Variants in NELL2 observed in about 807,000 individuals in gnomAD.
The protein encoded by NELL2 is protein kinase C-binding protein NELL2.
Under a neutral mutation model 109.6 loss-of-function variants are expected in NELL2, and 41 were observed. The ratio of observed to expected loss-of-function variants is 0.37; its 90% CI spans 0.29 to 0.49. The LOEUF (loss-of-function observed/expected upper bound fraction) is 0.49. Among genes scored for constraint, NELL2 ranks in the 20% least tolerant of loss-of-function variants. The pLI, the probability that NELL2 is intolerant of heterozygous loss-of-function variation, is 0.98. For synonymous variants in NELL2, 355 were observed against 344.7 expected (o/e 1.03, Z -0.33); for missense variants, 900 against 1,008.3 (o/e 0.89, Z 1.45).
At chr12:44,592,591 C>T (rs896425879) in intron 15 of NELL2, among the ~76,000 whole-genome samples, 1 of 151,936 alleles carries the variant, frequency 6.6e-6, no homozygotes, top group Non-Finnish European at 1.5e-5. Flanking sequence ...AGAAACAGTC[C>T]AGGGAAAATG....
chr12:44,641,734 T>C (rs1946865651), intron 13 of NELL2, among the ~76,000 whole-genome samples: 1 of 145,780 alleles, frequency 6.9e-6, no homozygotes, highest in Middle Eastern at 3.5e-3. Flanking sequence ...TCTTGCTCTG[T>C]CATCCAGGCT....
At chr12:44,801,539 T>C (rs1183460249) in intron 3 of NELL2, among the ~76,000 whole-genome samples, 1 of 152,124 alleles carries the variant, frequency 6.6e-6, no homozygotes, top group Non-Finnish European at 1.5e-5. Context: ...TGACGCCAAG[T>C]AGCCTGGTTC....
At chr12:44,540,781 C>CAAAAAAAAAAAAA (rs57205620) in intron 15 of NELL2, among the ~76,000 whole-genome samples, 11,537 of 49,132 alleles carry the variant, frequency 0.23, 3,938 homozygotes, top group East Asian at 0.45. Context: ...GTCTGCAAGC[C>CAAAAAAAAAAAAA]AAAAAAAAAA....
intron 15 of NELL2, among the ~76,000 whole-genome samples, chr12:44,544,751 GTATGA>G (rs1942724691): frequency 6.6e-6 from 1 of 152,066 alleles, no homozygotes; most frequent in African/African-American, 2.4e-5. Context: ...ATGATATGAA[GTATGA>G]TATGAATGAT....
chr12:44,775,511 C>CAT (rs1941723460), intron 8 of NELL2, among the ~76,000 whole-genome samples: 1 of 152,164 alleles, frequency 6.6e-6, no homozygotes, highest in Non-Finnish European at 1.5e-5. Context: ...TATTCTACTT[C>CAT]ATTAGCGAGC....
chr12:44,643,409 T>C (rs2136303427), intron 13 of NELL2, among the ~76,000 whole-genome samples: 1 of 152,242 alleles, frequency 6.6e-6, no homozygotes, highest in East Asian at 1.9e-4. Context: ...AATTCCAATG[T>C]AATTTACAAA....
intron 9 of NELL2, among the ~76,000 whole-genome samples, chr12:44,754,292 G>A (rs1940784390): frequency 1.3e-5 from 2 of 152,146 alleles, no homozygotes; most frequent in Admixed American, 1.3e-4. Context: ...TTACAATGAT[G>A]TATAGTCTCT....
intron 13 of NELL2, among the ~76,000 whole-genome samples, chr12:44,662,161 A>G (rs1463503533): frequency 1.3e-5 from 2 of 152,210 alleles, no homozygotes; most frequent in African/African-American, 4.8e-5. Flanking sequence ...ACTTTGGAAT[A>G]GAGTCAGAGG....
intron 19 of NELL2, among the ~76,000 whole-genome samples, chr12:44,513,467 A>G (rs552166772): frequency 6.6e-6 from 1 of 152,094 alleles, no homozygotes; most frequent in Non-Finnish European, 1.5e-5. Context: ...GATGATCCAG[A>G]TGTTGTAATT....
intron 15 of NELL2, among the ~76,000 whole-genome samples, chr12:44,560,191 A>C (rs1943415396): frequency 6.6e-6 from 1 of 152,214 alleles, no homozygotes; most frequent in Non-Finnish European, 1.5e-5. Flanking sequence ...TTGAGACGGA[A>C]ATTTATAGCA....
chr12:44,680,884 T>A (rs1451458446), intron 12 of NELL2, among the ~76,000 whole-genome samples: 2 of 152,304 alleles, frequency 1.3e-5, no homozygotes, highest in East Asian at 3.9e-4. Context: ...TAACATTTAC[T>A]ACAATGTATG....
intron 15 of NELL2, among the ~76,000 whole-genome samples, chr12:44,541,282 T>C (rs1309596043): frequency 8.1e-6 from 1 of 123,630 alleles, no homozygotes. Context: ...AAAAAAGAAA[T>C]AGAGATAATT....
intron 10 of NELL2, among the ~76,000 whole-genome samples, chr12:44,714,262 A>T (rs1938367933): frequency 6.6e-6 from 1 of 151,914 alleles, no homozygotes; most frequent in African/African-American, 2.4e-5. Flanking sequence ...TTAGTTAGGT[A>T]ATTTTTCGTT....
chr12:44,698,511 G>A (rs989572297), intron 12 of NELL2, among the ~76,000 whole-genome samples: 5 of 152,108 alleles, frequency 3.3e-5, no homozygotes, highest in Admixed American at 3.3e-4. Flanking sequence ...GGCTGGTTAG[G>A]AGTAGGAAGA....
intron 1 of NELL2, among the ~76,000 whole-genome samples, chr12:44,920,613 T>C (rs1202955452): frequency 6.6e-6 from 1 of 152,228 alleles, no homozygotes; most frequent in Non-Finnish European, 1.5e-5. Flanking sequence ...GCTCATCTAC[T>C]GCCCACAGGC....
At chr12:44,621,348 G>A (rs1377000) in intron 13 of NELL2, among the ~76,000 whole-genome samples, 4,341 of 152,232 alleles carry the variant, frequency 0.029, 188 homozygotes, top group African/African-American at 0.097. Context: ...GAAGTGGTTA[G>A]GTGAAAGGAC....
Position 44,610,920 on chromosome 12 carries a change from A to G in NELL2, c.1495T>C (p.Cys499Arg). 1 of 1,613,136 alleles carries G rather than the reference A, an allele frequency of 6.2e-7. No individual in the cohort carries two copies. Among genetic ancestry groups the G allele is most frequent in the Non-Finnish European group, 8.5e-7 (1 of 1,179,312 alleles). Residue 499 changes from cysteine to arginine, a missense_variant, in exon 14 of 20, where the codon TGC becomes CGC. Transcript: ENST00000429094. ...TTGTGTCCTCCAACAGTGTTGAAGC[A>G]TAAAGCATTTTCATCACAGTTGTGC... ...NQHNCDENAL[C>R]FNTVGGHNCV... is the part of the protein sequence containing the mutation.
At chr12:44,823,271 AT>A (rs762589788) in intron 2 of NELL2, among the ~76,000 whole-genome samples, 12 of 152,174 alleles carry the variant, frequency 7.9e-5, no homozygotes, top group Non-Finnish European at 1.6e-4. Context: ...TGGTGAGAAC[AT>A]TTGAATTTCA....
chr12:44,671,385 C>T (rs550983781), intron 12 of NELL2, among the ~76,000 whole-genome samples: 3 of 152,002 alleles, frequency 2.0e-5, no homozygotes, highest in African/African-American at 7.2e-5. Flanking sequence ...CAAGGAACTG[C>T]AAAAGTGAGA....
Sources: gnomAD v4.1 joint callset for allele counts (sites outside exome capture counted in the v4.1 genomes callset) on GRCh38, gnomAD v4.1.1 for gene constraint, MANE v1.5 for transcripts, NCBI Gene and HGNC (gene_info 2026-07-23, HGNC 2026-07-21) for gene names.